Variants in AGTPBP1 observed in about 807,000 individuals in gnomAD.
AGTPBP1 encodes the protein cytosolic carboxypeptidase 1.
In AGTPBP1, 70 loss-of-function variants were observed where a neutral mutation model predicts 143.9. The ratio of observed to expected loss-of-function variants is 0.49; its 90% CI spans 0.40 to 0.59. The LOEUF (loss-of-function observed/expected upper bound fraction) is 0.59. AGTPBP1 is among the 20% of genes least tolerant of loss of function. AGTPBP1 has a pLI of 0.00. For synonymous variants in AGTPBP1, 463 were observed against 500.2 expected, an observed-to-expected ratio of 0.93 and a Z score of 0.99; for missense variants, 1,229 against 1,464.5, an observed-to-expected ratio of 0.84 and a Z score of 2.62.
chr9:85,679,612 G>A (rs752756377), intron 4 of AGTPBP1, among the ~76,000 whole-genome samples: 24 of 152,104 alleles, frequency 1.6e-4, no homozygotes, highest in Non-Finnish European at 2.6e-4. Flanking sequence ...GTTTTACCGT[G>A]TTAGCCAGGA....
At chr9:85,669,008 TATAC>T (rs1834313858) in intron 8 of AGTPBP1, among the ~76,000 whole-genome samples, 5 of 62,870 alleles carry the variant, frequency 8.0e-5, no homozygotes, top group East Asian at 2.7e-4. Context: ...TGTGTGTGTG[TATAC>T]ATACACACAC....
At chr9:85,699,115 T>G (rs1836478870) in intron 2 of AGTPBP1, among the ~76,000 whole-genome samples, 1 of 152,112 alleles carries the variant, frequency 6.6e-6, no homozygotes, top group Non-Finnish European at 1.5e-5. Context: ...CAAATCAAGT[T>G]AACTTCAAAT....
At chr9:85,576,461 A>C (rs1401395543) in intron 24 of AGTPBP1, among the ~76,000 whole-genome samples, 2 of 152,210 alleles carry the variant, frequency 1.3e-5, no homozygotes, top group Non-Finnish European at 2.9e-5. Context: ...TTTTTGGTTT[A>C]AATAGTTTGG....
intron 10 of AGTPBP1, 138 bp from the exon 11 acceptor site, chr9:85,655,458 T>G (rs1833437753): frequency 1.3e-6 from 1 of 746,314 alleles, no homozygotes; most frequent in Admixed American, 3.4e-5. Context: ...TAACACAGAA[T>G]AATTACAAAA....
chr9:85,704,702 A>G (rs1474941649), intron 2 of AGTPBP1, among the ~76,000 whole-genome samples: 1 of 152,246 alleles, frequency 6.6e-6, no homozygotes, highest in South Asian at 2.1e-4. Flanking sequence ...GGTAAAAATC[A>G]CCTATCAAAA....
At chr9:85,779,260 A>G in the AGTPBP1 span, among the ~76,000 whole-genome samples, 3 of 146,940 alleles carry the variant, frequency 2.0e-5, no homozygotes, top group Non-Finnish European at 3.0e-5. Context: ...TATAAATATA[A>G]ATATATATAG....
intron 25 of AGTPBP1, among the ~76,000 whole-genome samples, chr9:85,561,630 A>G (rs1397150267): frequency 5.9e-5 from 9 of 152,062 alleles, no homozygotes; most frequent in East Asian, 1.9e-4. Flanking sequence ...AAATGTAGGG[A>G]AAAAAATGAA....
At chr9:85,584,063 G>A (rs1427433666) in intron 23 of AGTPBP1, among the ~76,000 whole-genome samples, 1 of 151,968 alleles carries the variant, frequency 6.6e-6, no homozygotes, top group South Asian at 2.1e-4. Context: ...GAGCAGCCTA[G>A]GGAAGGCTCT....
intron 14 of AGTPBP1, among the ~76,000 whole-genome samples, chr9:85,628,528 A>T (rs62566942): frequency 0.017 from 2,548 of 152,322 alleles, 24 homozygotes; most frequent in Middle Eastern, 0.054. Flanking sequence ...ATCAGAACAC[A>T]TCTCCATCAA....
intron 24 of AGTPBP1, among the ~76,000 whole-genome samples, chr9:85,578,520 G>T (rs1828037085): frequency 6.6e-6 from 1 of 151,976 alleles, no homozygotes; most frequent in Non-Finnish European, 1.5e-5. Flanking sequence ...TAACAAACCT[G>T]CTGCTTTATA....
chr9:85,693,624 C>T (rs955226327), intron 2 of AGTPBP1, among the ~76,000 whole-genome samples: 24 of 151,914 alleles, frequency 1.6e-4, no homozygotes, highest in African/African-American at 4.1e-4. Context: ...ATTGTACATA[C>T]GGTACTGATC....
At chr9:85,739,356 G>A (rs1004746653) in intron 1 of AGTPBP1, among the ~76,000 whole-genome samples, 2 of 152,144 alleles carry the variant, frequency 1.3e-5, no homozygotes, top group Admixed American at 6.5e-5. Flanking sequence ...CAGATAGTGG[G>A]GGACTTCAAG....
Position 85,589,515 on chromosome 9 carries a change from A to C in AGTPBP1, c.2722+13T>G. 1 of 1,595,914 alleles carries C rather than the reference A, an allele frequency of 6.3e-7. No homozygotes were observed. The highest frequency in any genetic ancestry group is 8.5e-7 in the Non-Finnish European group (1 of 1,173,032). On this transcript the variant is annotated intron_variant, in intron 20 of 25. Transcript: ENST00000357081. ...AGAATGACTGCTATTGTGAGTTGGG[A>C]AGACAAACTTACTGAAATGGCAGAT...
At chr9:85,578,039 G>A (rs1351402195) in intron 24 of AGTPBP1, among the ~76,000 whole-genome samples, 1 of 152,128 alleles carries the variant, frequency 6.6e-6, no homozygotes, top group Non-Finnish European at 1.5e-5. Context: ...TGGAATGAGC[G>A]GAATAATTAG....
intron 1 of AGTPBP1, among the ~76,000 whole-genome samples, chr9:85,726,292 C>G (rs947891793): frequency 2.6e-5 from 4 of 151,826 alleles, no homozygotes; most frequent in Non-Finnish European, 5.9e-5. Flanking sequence ...CTCAGTTACC[C>G]CCAATGTTTT....
the AGTPBP1 span, among the ~76,000 whole-genome samples, chr9:85,769,551 A>G: frequency 6.6e-6 from 1 of 151,610 alleles, no homozygotes; most frequent in African/African-American, 2.4e-5. Context: ...GAAAAAAAGA[A>G]CTTGTAGGTT....
In AGTPBP1 at chr9:85,726,608, T is replaced by C. The variant is rs563255333; in HGVS notation, c.-33-14042A>G. On this transcript the variant is annotated intron_variant, in intron 1 of 25. Transcript: ENST00000357081. ...TCTTTACAATGCAAATAAGTATCAA[T>C]GGATGTATACATGGGCTGTACTAAG... Among the ~76,000 whole-genome samples the C allele has an allele frequency of 2.6e-5, 4 of 152,360 alleles. 1 individual carries two copies. The highest frequency in any genetic ancestry group is 7.2e-5 in the African/African-American group (3 of 41,588).
Position 85,586,964 on chromosome 9 carries a change from C to T in AGTPBP1, c.2904-4G>A, listed in dbSNP as rs1828651294. 4 of 1,613,612 alleles carry T rather than the reference C, an allele frequency of 2.5e-6. No homozygotes were observed. Among genetic ancestry groups the T allele is most frequent in the Non-Finnish European group, 3.4e-6 (4 of 1,179,690 alleles). On this transcript the variant is annotated splice_region_variant and splice_polypyrimidine_tract_variant and intron_variant, in intron 21 of 25. Transcript: ENST00000357081. The stretch of plus-strand genomic sequence containing the variant: ...TCCACTTAAAGAACAGCGATGACTA[C>T]ATGTACATAAACACAAAGACAGAAA...
chr9:85,712,579 T>C lies in AGTPBP1; in HGVS notation c.-33-13A>G, dbSNP rs754381108. ...AATTGCAGATAATCTAAAAGAAAAA[T>C]GTTAATGATATTAAAAACTTATAAC... On this transcript the variant is annotated splice_polypyrimidine_tract_variant and intron_variant, in intron 1 of 25. Coordinates refer to ENST00000357081, the MANE Select transcript of AGTPBP1 (RefSeq NM_001330701.2). 8 of 1,306,838 alleles carry C rather than the reference T, an allele frequency of 6.1e-6. No individual in the cohort carries two copies. The African/African-American group carries it at 1.1e-4, about 17-fold the overall frequency. The allele number at this position is 1,306,838 out of a possible 1,614,324, so 81.0% of individuals were successfully genotyped here. A position where few individuals can be genotyped will look rare whatever the true frequency, so the allele number is the denominator to read the frequency against.
Sources: gnomAD v4.1 joint callset for allele counts (sites outside exome capture counted in the v4.1 genomes callset) on GRCh38, gnomAD v4.1.1 for gene constraint, MANE v1.5 for transcripts, NCBI Gene and HGNC (gene_info 2026-07-23, HGNC 2026-07-21) for gene names.